OR51B5: variants seen among roughly 807,000 people sequenced by gnomAD.
The protein encoded by OR51B5 is olfactory receptor family 51 subfamily B member 5, also known as olfactory receptor 51B5.
For synonymous variants in OR51B5, 186 were observed against 144.8 expected (o/e 1.28, Z -2.04); for missense variants, 456 against 374.6 (o/e 1.22, Z -1.79).
At chr11:5,423,744 T>C (rs1021618625) in intron 1 of OR51B5, among the ~76,000 whole-genome samples, 1 of 152,176 alleles carries the variant, frequency 6.6e-6, no homozygotes, top group African/African-American at 2.4e-5. Flanking sequence ...ACCCAAGTAA[T>C]TTAATTTACC....
chr11:5,499,734 C>G (rs1223049459), intron 1 of OR51B5, among the ~76,000 whole-genome samples: 2 of 152,120 alleles, frequency 1.3e-5, no homozygotes, highest in African/African-American at 4.8e-5. Context: ...ATCTATCACC[C>G]TATCAGTACT....
At chr11:5,460,451 T>A (rs1851033096) in intron 1 of OR51B5, among the ~76,000 whole-genome samples, 1 of 135,834 alleles carries the variant, frequency 7.4e-6, no homozygotes, top group African/African-American at 2.8e-5. Flanking sequence ...CAGTTTGGTT[T>A]GTTCTTAAAA....
chr11:5,448,182 T>C (rs758975419), intron 1 of OR51B5, among the ~76,000 whole-genome samples: 1 of 152,216 alleles, frequency 6.6e-6, no homozygotes, highest in Non-Finnish European at 1.5e-5. Flanking sequence ...TCATTAATTT[T>C]TCTCAATTAA....
At position 5,402,534 on chromosome 11, in the gene OR51B5, T is replaced by C. The variant is rs574315979; in HGVS notation, n.85-55624A>G. On this transcript the variant is annotated intron_variant and non_coding_transcript_variant, in intron 1 of 4. Coordinates refer to the OR51B5 transcript ENST00000415970. ...CCAGTTGTCTTTCTTCATAATGATG[T>C]CATCTCACTAGTTTGTTTCTAATTT... The C allele has an allele frequency of 1.7e-4, 69 of 399,728 alleles. 1 individual carries two copies. The highest frequency in any genetic ancestry group is 1.0e-3 in the South Asian group (53 of 51,004). 24.8% of individuals were successfully genotyped at this position (399,728 alleles called of 1,614,324 possible).
At chr11:5,416,373 A>C (rs1230157106) in intron 1 of OR51B5, among the ~76,000 whole-genome samples, 2 of 152,000 alleles carry the variant, frequency 1.3e-5, no homozygotes, top group South Asian at 4.2e-4. Flanking sequence ...GCACAAGACA[A>C]GGATGCCCTC....
intron 1 of OR51B5, among the ~76,000 whole-genome samples, chr11:5,363,119 GAA>G (rs1849310374): frequency 6.6e-6 from 1 of 152,040 alleles, no homozygotes; most frequent in Non-Finnish European, 1.5e-5. Context: ...CTTAAGGGAA[GAA>G]AGAGACCCTG....
At chr11:5,358,950 A>C (rs1374964064) in intron 1 of OR51B5, among the ~76,000 whole-genome samples, 2 of 151,712 alleles carry the variant, frequency 1.3e-5, no homozygotes, top group Non-Finnish European at 3.0e-5. Flanking sequence ...ACAACCCTTC[A>C]TGCTAAAAAC....
chr11:5,421,921 G>T (rs138350047), intron 1 of OR51B5, among the ~76,000 whole-genome samples: 1 of 152,152 alleles, frequency 6.6e-6, no homozygotes, highest in South Asian at 2.1e-4. Context: ...AACTGAATGG[G>T]AGTGGGAAAA....
chr11:5,479,062 G>C (rs908186112), intron 1 of OR51B5, among the ~76,000 whole-genome samples: 1 of 151,880 alleles, frequency 6.6e-6, no homozygotes, highest in Non-Finnish European at 1.5e-5. Context: ...ATAATTATCA[G>C]ATTCACCAAA....
At chr11:5,431,893 A>G (rs1042194993) in intron 1 of OR51B5, among the ~76,000 whole-genome samples, 2 of 152,306 alleles carry the variant, frequency 1.3e-5, no homozygotes. Flanking sequence ...AATACTTTTT[A>G]TGGATGCATA....
At chr11:5,456,711 A>C (rs1481905559) in intron 1 of OR51B5, among the ~76,000 whole-genome samples, 3 of 152,164 alleles carry the variant, frequency 2.0e-5, no homozygotes, top group African/African-American at 7.2e-5. Flanking sequence ...TTCATCACCC[A>C]GGTAGTGAGC....
chr11:5,437,751 G>T (rs190880737), intron 1 of OR51B5, among the ~76,000 whole-genome samples: 1 of 152,162 alleles, frequency 6.6e-6, no homozygotes, highest in African/African-American at 2.4e-5. Context: ...TCTCTTGCGG[G>T]TTTTGATTTC....
intron 1 of OR51B5, among the ~76,000 whole-genome samples, chr11:5,397,566 G>A (rs1238569554): frequency 6.6e-6 from 1 of 150,532 alleles, no homozygotes; most frequent in Non-Finnish European, 1.5e-5. Flanking sequence ...TGCTGGAGAG[G>A]ATGTGGAGAA....
intron 1 of OR51B5, among the ~76,000 whole-genome samples, chr11:5,365,578 C>T (rs552372170): frequency 5.9e-5 from 9 of 152,208 alleles, no homozygotes; most frequent in Admixed American, 5.2e-4. Context: ...AAAACATTAT[C>T]GAGATGCACA....
At chr11:5,417,754 C>T (rs1850265231) in intron 1 of OR51B5, among the ~76,000 whole-genome samples, 1 of 149,152 alleles carries the variant, frequency 6.7e-6, no homozygotes, top group Admixed American at 6.7e-5. Flanking sequence ...GAATGGCAAT[C>T]ATTAAAAAGT....
intron 1 of OR51B5, among the ~76,000 whole-genome samples, chr11:5,485,636 C>A (rs1319283194): frequency 1.3e-5 from 2 of 152,192 alleles, no homozygotes; most frequent in Admixed American, 1.3e-4. Context: ...ACAAAAGCCT[C>A]TTTGCTGCTT....
chr11:5,467,515 C>T (rs1464675262), intron 1 of OR51B5, among the ~76,000 whole-genome samples: 2 of 152,236 alleles, frequency 1.3e-5, no homozygotes, highest in East Asian at 1.9e-4. Flanking sequence ...TATGCCATGG[C>T]CTGTCCACTA....
At chr11:5,371,961 CT>C (rs994126895) in intron 1 of OR51B5, among the ~76,000 whole-genome samples, 1 of 151,838 alleles carries the variant, frequency 6.6e-6, no homozygotes, top group Non-Finnish European at 1.5e-5. Flanking sequence ...CCTTATTTTT[CT>C]TTTGAGATTC....
intron 1 of OR51B5, among the ~76,000 whole-genome samples, chr11:5,393,963 C>T (rs1262215996): frequency 6.6e-6 from 1 of 152,146 alleles, no homozygotes; most frequent in Non-Finnish European, 1.5e-5. Flanking sequence ...TCATTGGCTT[C>T]TCCCTAACTT....
Sources: allele counts gnomAD v4.1 joint callset (sites outside exome capture counted in the v4.1 genomes callset), GRCh38; gene constraint gnomAD v4.1.1; transcripts MANE v1.5; gene names NCBI Gene and HGNC (gene_info 2026-07-23, HGNC 2026-07-21).